IL34: variants seen among roughly 807,000 people sequenced by gnomAD.
The protein encoded by IL34 is interleukin 34.
Under a neutral mutation model 25.3 loss-of-function variants are expected in IL34, and 17 were observed. That is an observed-to-expected ratio of 0.67 (90% CI 0.46 to 1.01). IL34 has a LOEUF of 1.01. IL34 is among the 50% of genes least tolerant of loss of function. The pLI is 0.00. For synonymous variants in IL34, 174 were observed against 140.9 expected, an observed-to-expected ratio of 1.23 and a Z score of -1.66; for missense variants, 368 against 312.9, an observed-to-expected ratio of 1.18 and a Z score of -1.33.
At chr16:70,647,808 C>CA (rs2051977920) in intron 1 of IL34, among the ~76,000 whole-genome samples, 1 of 152,122 alleles carries the variant, frequency 6.6e-6, no homozygotes, top group East Asian at 1.9e-4. Context: ...AAATATACAA[C>CA]AAAGGGTTGG....
Position 70,657,043 on chromosome 16 carries a change from G to T in IL34, c.324G>T (p.Val108=). 2.5e-6 allele frequency: 4 copies of T among 1,612,868 alleles called. No homozygotes were observed. Among genetic ancestry groups the T allele is most frequent in the Non-Finnish European group, 3.4e-6 (4 of 1,180,006 alleles). Residue 108 remains valine (V), a synonymous_variant, in exon 4 of 6, where the codon GTG becomes GTT. Transcript: ENST00000288098. ...SLSATESVQD[V]LLEGHPSWKY... ...GTGCCACTGAGTCGGTGCAGGACGT[G>T]CTGCTCGAGGGCCACCCATCCTGGA...
At chr16:70,637,936 G>A (rs1009571236) in intron 1 of IL34, among the ~76,000 whole-genome samples, 5 of 152,156 alleles carry the variant, frequency 3.3e-5, no homozygotes, top group Admixed American at 3.3e-4. Flanking sequence ...TTGACATTTA[G>A]GTGGTTTCCA....
intron 3 of IL34, 60 bp from the exon 4 acceptor site, chr16:70,656,900 A>G (rs113866885): frequency 0.013 from 20,736 of 1,539,672 alleles, 225 homozygotes; most frequent in Middle Eastern, 0.046. Context: ...CTGGTGAGGG[A>G]GTGGTCAGAG....
intron 1 of IL34, among the ~76,000 whole-genome samples, chr16:70,597,390 A>G (rs1031397518): frequency 6.6e-6 from 1 of 151,736 alleles, no homozygotes; most frequent in African/African-American, 2.4e-5. Context: ...CTGGCCAAGT[A>G]TTAATTTTTT....
rs369880035 is a variant in IL34, at chr16:70,587,414, C to T, written c.-401+7365C>T. Among the ~76,000 whole-genome samples the T allele has an allele frequency of 1.1e-4, 17 of 152,184 alleles. No homozygotes were observed. The South Asian group carries it at 1.9e-3, about 17-fold the overall frequency. ...CCTCCCGAGTAGCTGGGACTACAGA[C>T]GCCCGCCACCACGCCCAGCTAATTT... On this transcript the variant is annotated intron_variant, in intron 1 of 6. Coordinates refer to the IL34 transcript ENST00000429149.
At position 70,614,018 on chromosome 16, in the gene IL34, T is replaced by G. The variant is rs551972048; in HGVS notation, c.-400-32530T>G. Among the ~76,000 whole-genome samples the G allele has an allele frequency of 3.4e-3, 516 of 151,290 alleles. 2 individuals are homozygous for G. Among genetic ancestry groups the G allele is most frequent in the Non-Finnish European group, 5.7e-3 (386 of 67,800 alleles). On this transcript the variant is annotated intron_variant, in intron 1 of 6. Transcript: ENST00000429149. ...GCCTGGGCAATACAACAAGGCTTTGTCTCTTAAAAAAAAAAATTATCCAGG... is the reference window on the plus strand; with the variant it reads ...GCCTGGGCAATACAACAAGGCTTTGGCTCTTAAAAAAAAAAATTATCCAGG...
chr16:70,621,436 T>C (rs908844478), intron 1 of IL34, among the ~76,000 whole-genome samples: 2 of 150,940 alleles, frequency 1.3e-5, no homozygotes. Context: ...GTGAGAGAGG[T>C]TGGAGAAGAG....
intron 1 of IL34, among the ~76,000 whole-genome samples, chr16:70,634,025 A>G (rs890433946): frequency 6.6e-6 from 1 of 151,758 alleles, no homozygotes; most frequent in Non-Finnish European, 1.5e-5. Context: ...TAATTTTTGT[A>G]TTTTTAGTAG....
intron 1 of IL34, among the ~76,000 whole-genome samples, chr16:70,612,707 T>C (rs1372436572): frequency 1.3e-5 from 2 of 152,186 alleles, no homozygotes; most frequent in Non-Finnish European, 2.9e-5. Context: ...TCTGGAGCCT[T>C]TGGGGCTCAG....
chr16:70,600,177 G>A (rs764600892), intron 1 of IL34, among the ~76,000 whole-genome samples: 8 of 151,898 alleles, frequency 5.3e-5, no homozygotes, highest in Non-Finnish European at 1.0e-4. Flanking sequence ...GTCTTCTCTC[G>A]TTCCTATTTT....
chr16:70,625,192 C>T (rs182463600), intron 1 of IL34, among the ~76,000 whole-genome samples: 3 of 151,628 alleles, frequency 2.0e-5, no homozygotes, highest in South Asian at 2.1e-4. Context: ...GTTTTAAGTT[C>T]GTGAGAAGTC....
chr16:70,624,784 G>A (rs2051355143), intron 1 of IL34, among the ~76,000 whole-genome samples: 1 of 151,990 alleles, frequency 6.6e-6, no homozygotes, highest in African/African-American at 2.4e-5. Context: ...ATTATAGGGT[G>A]GAGGAGGGGA....
intron 1 of IL34, among the ~76,000 whole-genome samples, chr16:70,621,045 A>T (rs2051270476): frequency 1.3e-5 from 2 of 152,060 alleles, no homozygotes; most frequent in Non-Finnish European, 2.9e-5. Flanking sequence ...ACACAGAGAT[A>T]AGAGTTTGGG....
chr16:70,644,333 T>A (rs2051855930), upstream of IL34, among the ~76,000 whole-genome samples: 2 of 152,208 alleles, frequency 1.3e-5, no homozygotes, highest in Non-Finnish European at 2.9e-5. Context: ...CCCAAAGTGC[T>A]GGGATTACAG....
chr16:70,625,048 AT>A (rs1399679269), intron 1 of IL34, among the ~76,000 whole-genome samples: 1 of 152,058 alleles, frequency 6.6e-6, no homozygotes, highest in African/African-American at 2.4e-5. Flanking sequence ...AATTATTTAG[AT>A]TTTGCAGGAT....
At chr16:70,610,808 G>T (rs2051078992) in intron 1 of IL34, among the ~76,000 whole-genome samples, 1 of 152,182 alleles carries the variant, frequency 6.6e-6, no homozygotes, top group Non-Finnish European at 1.5e-5. Flanking sequence ...GTGAAGCTAG[G>T]GTGAGGAGGA....
chr16:70,657,602 C>T (rs2052265975), intron 4 of IL34, among the ~76,000 whole-genome samples: 3 of 152,076 alleles, frequency 2.0e-5, no homozygotes, highest in African/African-American at 7.2e-5. Flanking sequence ...TGGTGAAACC[C>T]CGTCTCTACT....
At chr16:70,626,211 C>T (rs983289927) in intron 1 of IL34, among the ~76,000 whole-genome samples, 13 of 152,004 alleles carry the variant, frequency 8.6e-5, no homozygotes, top group Admixed American at 1.3e-4. Context: ...TCTTTTGTGC[C>T]TTTGATATAA....
At chr16:70,601,560 G>A (rs929500558) in intron 1 of IL34, among the ~76,000 whole-genome samples, 2 of 151,864 alleles carry the variant, frequency 1.3e-5, no homozygotes, top group South Asian at 2.1e-4. Flanking sequence ...CACCCTGCCC[G>A]GCTATTTTTT....
Sources: gnomAD v4.1 joint callset for allele counts (sites outside exome capture counted in the v4.1 genomes callset) on GRCh38, gnomAD v4.1.1 for gene constraint, MANE v1.5 for transcripts, NCBI Gene and HGNC (gene_info 2026-07-23, HGNC 2026-07-21) for gene names.